The following HDAC4 variants were observed in gnomAD, a reference collection of about 807,000 sequenced individuals.
HDAC4 encodes the protein histone deacetylase 4.
In HDAC4, 16 loss-of-function variants were observed where a neutral mutation model predicts 135.1. That is an observed-to-expected ratio of 0.12 (90% CI 0.08 to 0.18). The LOEUF (loss-of-function observed/expected upper bound fraction) is 0.18. HDAC4 is among the 10% of genes least tolerant of loss of function. The probability of loss-of-function intolerance (pLI) is 1.00; values close to 1 mark genes in which losing one functional copy is unlikely to be tolerated. For synonymous variants in HDAC4, 685 were observed against 653.4 expected, an observed-to-expected ratio of 1.05 and a Z score of -0.74; for missense variants, 1,143 against 1,511.8, an observed-to-expected ratio of 0.76 and a Z score of 4.05.
chr2:239,348,063 G>A (rs62182137), intron 2 of HDAC4, among the ~76,000 whole-genome samples: 10,472 of 130,280 alleles, frequency 0.08, 811 homozygotes, highest in Non-Finnish European at 0.093. Flanking sequence ...GCATCATCCC[G>A]GTGACCACAG....
chr2:239,281,029 A>G (rs1382437082), intron 2 of HDAC4, among the ~76,000 whole-genome samples: 1 of 127,348 alleles, frequency 7.9e-6, no homozygotes, highest in East Asian at 2.1e-4. Flanking sequence ...CACCACTCTC[A>G]ATGTACATAC....
At chr2:239,161,339 T>C (rs1178791767) in intron 6 of HDAC4, among the ~76,000 whole-genome samples, 2 of 152,186 alleles carry the variant, frequency 1.3e-5, no homozygotes, top group Admixed American at 6.5e-5. Context: ...CCGATGATTT[T>C]GGCGACCTAA....
intron 19 of HDAC4, among the ~76,000 whole-genome samples, chr2:239,084,443 A>G (rs1399617688): frequency 6.9e-6 from 1 of 145,860 alleles, no homozygotes; most frequent in East Asian, 2.0e-4. Context: ...CCACATGCAG[A>G]CACACTCACA....
At chr2:239,322,786 G>A (rs1442881100) in intron 2 of HDAC4, among the ~76,000 whole-genome samples, 1 of 152,000 alleles carries the variant, frequency 6.6e-6, no homozygotes, top group Non-Finnish European at 1.5e-5. Context: ...CTGTCACTCG[G>A]CCCCACACCC....
intron 17 of HDAC4, among the ~76,000 whole-genome samples, chr2:239,090,590 C>A (rs1380686319): frequency 1.3e-5 from 2 of 151,472 alleles, no homozygotes; most frequent in African/African-American, 4.9e-5. Flanking sequence ...CCGCAGTGAG[C>A]CATGAATGCA....
intron 1 of HDAC4, among the ~76,000 whole-genome samples, chr2:239,384,435 G>C (rs1046249936): frequency 2.2e-5 from 3 of 136,208 alleles, no homozygotes; most frequent in Non-Finnish European, 4.6e-5. Context: ...ACAACATAGT[G>C]AGACCCCTGT....
chr2:239,368,567 AG>A (rs1694385306), intron 1 of HDAC4, among the ~76,000 whole-genome samples: 1 of 152,034 alleles, frequency 6.6e-6, no homozygotes, highest in East Asian at 1.9e-4. Flanking sequence ...GGGGGATAAC[AG>A]GGGGGTACAA....
intron 6 of HDAC4, among the ~76,000 whole-genome samples, chr2:239,159,175 C>T (rs2042617565): frequency 1.3e-5 from 2 of 150,582 alleles, no homozygotes; most frequent in Admixed American, 6.6e-5. Context: ...CTACTACTCG[C>T]CCCCAATTCA....
rs549214383 is a variant in HDAC4, at chr2:239,368,820, C to T, written c.-219-15902G>A. ...CGGACCAAAGCAGTAAATAAAGGTGCTTTGATTCCAGGTGATAGCCCAAGT... is the reference window on the plus strand; with the variant it reads ...CGGACCAAAGCAGTAAATAAAGGTGTTTTGATTCCAGGTGATAGCCCAAGT... On this transcript the variant is annotated intron_variant, in intron 1 of 26. Transcript: ENST00000543185. Among the ~76,000 whole-genome samples, 9 of 152,322 alleles carry T rather than the reference C, an allele frequency of 5.9e-5. No homozygotes were observed. The South Asian group carries it at 1.7e-3, about 28-fold the overall frequency.
chr2:239,360,250 G>T (rs1693772997), intron 1 of HDAC4, among the ~76,000 whole-genome samples: 1 of 152,178 alleles, frequency 6.6e-6, no homozygotes. Context: ...ATTCCTCGAA[G>T]GAAAACTGAA....
chr2:239,330,961 C>A (rs1258103888), intron 2 of HDAC4, among the ~76,000 whole-genome samples: 2 of 152,238 alleles, frequency 1.3e-5, no homozygotes, highest in Non-Finnish European at 2.9e-5. Context: ...GCCACCCCAG[C>A]CCCACATGCC....
chr2:239,201,904 GCTTT>G (rs1276841294), intron 3 of HDAC4, among the ~76,000 whole-genome samples: 2 of 152,180 alleles, frequency 1.3e-5, no homozygotes, highest in Non-Finnish European at 2.9e-5. Context: ...TTTTCAAACT[GCTTT>G]CTTACTGGCA....
intron 2 of HDAC4, among the ~76,000 whole-genome samples, chr2:239,250,216 C>T (rs900777843): frequency 1.1e-4 from 16 of 152,366 alleles, no homozygotes; most frequent in Admixed American, 2.6e-4. Flanking sequence ...ACGTGTGGTC[C>T]AGACATCACC....
chr2:239,302,406 C>G (rs530444417), intron 2 of HDAC4, among the ~76,000 whole-genome samples: 1 of 152,328 alleles, frequency 6.6e-6, no homozygotes, highest in South Asian at 2.1e-4. Context: ...CTATAAAACA[C>G]GAGCAGAGAG....
At chr2:239,172,557 A>G (rs1257141076) in intron 5 of HDAC4, among the ~76,000 whole-genome samples, 2 of 152,116 alleles carry the variant, frequency 1.3e-5, no homozygotes, top group Non-Finnish European at 2.9e-5. Context: ...TAGAAGACAG[A>G]GCTGAAATCA....
intron 2 of HDAC4, among the ~76,000 whole-genome samples, chr2:239,247,679 G>T (rs1042939810): frequency 1.3e-5 from 2 of 152,208 alleles, no homozygotes; most frequent in African/African-American, 4.8e-5. Flanking sequence ...TAGGTGGCAG[G>T]AAGCTGGAAA....
intron 2 of HDAC4, among the ~76,000 whole-genome samples, chr2:239,328,670 C>A (rs1355238653): frequency 1.3e-5 from 2 of 152,234 alleles, no homozygotes; most frequent in South Asian, 2.1e-4. Context: ...CCTCCCCCAG[C>A]GAGCACAGCA....
rs941685581 is a variant in HDAC4, at chr2:239,240,543, T to G, written c.23-3879A>C. On this transcript the variant is annotated intron_variant, in intron 2 of 26. Transcript: ENST00000543185. The surrounding 1 kb of genome is among the most constrained non-coding windows in gnomAD (Gnocchi z 4.5). ...TGGGAAGCAAAGTACCACTTCCTCA[T>G]CACACGCCTGCTGCAAGCAGGTTCC... 6.6e-6 allele frequency among the ~76,000 whole-genome samples: 1 copy of G among 152,148 alleles called. No homozygotes were observed. The highest frequency in any genetic ancestry group is 1.5e-5 in the Non-Finnish European group (1 of 68,014).
At chr2:239,365,350 C>T (rs1385076859) in intron 1 of HDAC4, among the ~76,000 whole-genome samples, 1 of 152,232 alleles carries the variant, frequency 6.6e-6, no homozygotes, top group Non-Finnish European at 1.5e-5. Flanking sequence ...TTCCATTTCA[C>T]TGTGCTGTAA....
Sources: gnomAD v4.1 joint callset for allele counts (sites outside exome capture counted in the v4.1 genomes callset) on GRCh38, gnomAD v4.1.1 for gene constraint, Gnocchi (gnomAD v3.1) non-coding constraint, MANE v1.5 for transcripts, NCBI Gene and HGNC (gene_info 2026-07-23, HGNC 2026-07-21) for gene names.